Variants in BIN3 observed in about 807,000 individuals in gnomAD.
BIN3 encodes bridging integrator 3.
A neutral mutation model predicts 38.2 loss-of-function variants in BIN3; 41 were observed. The ratio of observed to expected loss-of-function variants is 1.07; its 90% confidence interval spans 0.84 to 1.39. The LOEUF (loss-of-function observed/expected upper bound fraction) is 1.39, where lower values mean the gene tolerates loss of function less well. Among genes scored for constraint, BIN3 ranks in the 40% most tolerant of loss-of-function variants. The pLI is 0.00. For synonymous variants in BIN3, 145 were observed against 122.6 expected (o/e 1.18, Z -1.21); for missense variants, 361 against 324.3 (o/e 1.11, Z -0.87).
In BIN3 at chr8:22,629,710, G is replaced by A. The variant is rs374368665; in HGVS notation, c.338+254C>T. 1,050 of 574,648 alleles carry A rather than the reference G, an allele frequency of 1.8e-3. 20 individuals are homozygous for A. In the South Asian group the frequency reaches 0.022, roughly 12 times the overall value. 35.6% of individuals were successfully genotyped at this position (574,648 alleles called of 1,614,324 possible). On this transcript the variant is annotated intron_variant, in intron 6 of 8. Transcript: ENST00000276416. The stretch of plus-strand genomic sequence containing the variant: ...GTCAAATGACCACCAGAACAGCGGC[G>A]GTTGCTGGGTGGGGTGGGAAGGGGG...
intron 1 of BIN3, among the ~76,000 whole-genome samples, chr8:22,661,660 C>G (rs1365808823): frequency 6.6e-6 from 1 of 151,888 alleles, no homozygotes; most frequent in Non-Finnish European, 1.5e-5. Context: ...GCCCAGCCTA[C>G]AATGTTGAGT....
intron 1 of BIN3, among the ~76,000 whole-genome samples, chr8:22,660,605 C>T (rs1178299089): frequency 6.6e-6 from 1 of 152,180 alleles, no homozygotes; most frequent in Admixed American, 6.5e-5. Flanking sequence ...CGTCCCCATC[C>T]CGTGGGGCAG....
At chr8:22,634,344 G>C (rs1028000607) in intron 4 of BIN3, 5 of 383,958 alleles carry the variant, frequency 1.3e-5, no homozygotes, top group Middle Eastern at 1.1e-3. Flanking sequence ...CCAGGAATTA[G>C]CACTGGCATG....
At chr8:22,621,601 G>T (rs1335593135) in intron 8 of BIN3, 33 bp from the exon 9 acceptor site, 2 of 1,607,058 alleles carry the variant, frequency 1.2e-6, no homozygotes, top group Admixed American at 3.3e-5. Context: ...GCACGTGCTG[G>T]CTCCAGGGAA....
At chr8:22,649,942 ATTT>A (rs1363427910) in intron 1 of BIN3, among the ~76,000 whole-genome samples, 1 of 151,876 alleles carries the variant, frequency 6.6e-6, no homozygotes, top group Non-Finnish European at 1.5e-5. Context: ...ATTTTATATA[ATTT>A]TTAAATTAAT....
intron 6 of BIN3, among the ~76,000 whole-genome samples, chr8:22,626,905 C>T (rs763345650): frequency 6.6e-5 from 10 of 152,136 alleles, no homozygotes; most frequent in Admixed American, 3.3e-4. Flanking sequence ...CCACCAGGAG[C>T]GCTGACTACA....
chr8:22,657,873 G>A (rs763664262), intron 1 of BIN3, among the ~76,000 whole-genome samples: 7 of 152,218 alleles, frequency 4.6e-5, no homozygotes, highest in African/African-American at 1.4e-4. Flanking sequence ...GGGCAACAGC[G>A]ACAGTGTCAC....
rs767065780 is a variant in BIN3 at position 22,623,886 on chromosome 8, C to T, written c.615+29G>A. The T allele has an allele frequency of 5.0e-6, 8 of 1,606,774 alleles. No individual in the cohort carries two copies. The East Asian group carries it at 1.3e-4, about 27-fold the overall frequency. ...AGTGGCATGAGCTGTGTATACCAAG[C>T]CCAGGGGAAGAGCACCTGGCGGCCT... On this transcript the variant is annotated intron_variant, in intron 8 of 8. Coordinates refer to ENST00000276416, the MANE Select transcript of BIN3 (RefSeq NM_018688.6).
rs960079659 is a variant in BIN3 at position 22,669,094 on chromosome 8, T to C, written c.-43A>G. 8 of 1,583,710 alleles carry C rather than the reference T, an allele frequency of 5.1e-6. No individual in the cohort carries two copies. Among genetic ancestry groups the C allele is most frequent in the Non-Finnish European group, 6.0e-6 (7 of 1,165,154 alleles). On this transcript the variant is annotated 5_prime_UTR_variant, in exon 1 of 9. Coordinates refer to ENST00000276416, the MANE Select transcript of BIN3 (RefSeq NM_018688.6). ...TGCCGCCGGGGTCCTCAGCCACAAC[T>C]CGTTTCTCTAGGGTCACTTCCGGAT...
chr8:22,668,607 G>C (rs541992916), intron 1 of BIN3, among the ~76,000 whole-genome samples: 1 of 152,356 alleles, frequency 6.6e-6, no homozygotes, highest in Non-Finnish European at 1.5e-5. Flanking sequence ...TTACCCAGAA[G>C]GGAGTGGGTT....
chr8:22,630,572 G>C lies in BIN3; in HGVS notation c.167C>G (p.Ser56Ter). The part of the protein sequence containing the change: ...KKSTDADLAM[S>*]KSAVKISLDL... ...CAAGGATATCTTCACGGCAGATTTT[G>C]ACATGGCTGTGGGAAGCCAAAGCTC... Residue 56 changes from serine to a stop codon, truncating the protein, a stop_gained, in exon 5 of 9, where the codon TCA becomes TGA. Transcript: ENST00000276416. LOFTEE classifies it high-confidence loss of function. 3.7e-6 allele frequency: 6 copies of C among 1,613,868 alleles called. No homozygotes were observed. Among genetic ancestry groups the C allele is most frequent in the Non-Finnish European group, 5.1e-6 (6 of 1,179,828 alleles).
At chr8:22,645,244 C>T (rs1802679249) in intron 1 of BIN3, among the ~76,000 whole-genome samples, 2 of 151,622 alleles carry the variant, frequency 1.3e-5, no homozygotes, top group East Asian at 3.9e-4. Context: ...AGGTGGAGGA[C>T]TGCTTGAGCC....
intron 1 of BIN3, among the ~76,000 whole-genome samples, chr8:22,654,946 G>A (rs1803009466): frequency 6.6e-6 from 1 of 152,064 alleles, no homozygotes; most frequent in African/African-American, 2.4e-5. Context: ...TCCCACCAGT[G>A]GTATATAAGG....
intron 1 of BIN3, among the ~76,000 whole-genome samples, chr8:22,668,116 G>T (rs1047705261): frequency 6.6e-6 from 1 of 152,146 alleles, no homozygotes; most frequent in Non-Finnish European, 1.5e-5. Flanking sequence ...TGAGGTCCAG[G>T]GTTGTGGCTA....
chr8:22,621,712 A>G (rs2117488474), intron 8 of BIN3, 144 bp from the exon 9 acceptor site: 2 of 869,704 alleles, frequency 2.3e-6, no homozygotes, highest in Non-Finnish European at 3.5e-6. Context: ...TATGCAGGGC[A>G]CGGAAGGGCT....
At chr8:22,639,860 A>G (rs1585189255) in intron 2 of BIN3, among the ~76,000 whole-genome samples, 3 of 129,878 alleles carry the variant, frequency 2.3e-5, no homozygotes, top group Non-Finnish European at 5.0e-5. Context: ...TACTAGACAC[A>G]CTTTTTTTTT....
chr8:22,657,065 G>A (rs1191594492), intron 1 of BIN3, among the ~76,000 whole-genome samples: 2 of 152,158 alleles, frequency 1.3e-5, no homozygotes, highest in East Asian at 1.9e-4. Flanking sequence ...ATTTGTTAAG[G>A]GCCACCTTTG....
At chr8:22,665,020 A>G (rs1029788362) in intron 1 of BIN3, among the ~76,000 whole-genome samples, 2 of 152,220 alleles carry the variant, frequency 1.3e-5, no homozygotes, top group Admixed American at 6.5e-5. Context: ...AAGAAGCTCT[A>G]TGTCGCTCCT....
intron 1 of BIN3, among the ~76,000 whole-genome samples, chr8:22,647,757 T>C (rs1031876814): frequency 2.0e-5 from 3 of 152,300 alleles, no homozygotes; most frequent in African/African-American, 7.2e-5. Flanking sequence ...ACTGTTCTGA[T>C]TATTTTTCAA....
Sources: gnomAD v4.1 joint callset for allele counts (sites outside exome capture counted in the v4.1 genomes callset) on GRCh38, gnomAD v4.1.1 for gene constraint, MANE v1.5 for transcripts, NCBI Gene and HGNC (gene_info 2026-07-23, HGNC 2026-07-21) for gene names.